The following EPS15 variants were observed in gnomAD, a reference collection of about 807,000 sequenced individuals.
EPS15 encodes epidermal growth factor receptor pathway substrate 15, also known as epidermal growth factor receptor substrate 15.
Under a neutral mutation model 113.8 loss-of-function variants are expected in EPS15, and 72 were observed. The ratio of observed to expected loss-of-function variants is 0.63; its 90% CI spans 0.52 to 0.77. The LOEUF (loss-of-function observed/expected upper bound fraction) is 0.77, where lower values mean the gene tolerates loss of function less well. Ranked by LOEUF, EPS15 falls within the 30% of genes least tolerant of loss-of-function variation. The pLI, the probability that EPS15 is intolerant of heterozygous loss-of-function variation, is 0.00. For missense variants in EPS15, 1,048 were observed against 1,045.8 expected, an observed-to-expected ratio of 1.00 and a Z score of -0.03; for synonymous variants, 344 against 363.4, an observed-to-expected ratio of 0.95 and a Z score of 0.61.
At chr1:51,438,522 T>C (rs1156271738) in intron 12 of EPS15, among the ~76,000 whole-genome samples, 1 of 152,154 alleles carries the variant, frequency 6.6e-6, no homozygotes, top group Admixed American at 6.6e-5. Context: ...ACAAGTACAC[T>C]TGAAGTCAAA....
At chr1:51,495,138 G>A (rs1215302603) in intron 1 of EPS15, among the ~76,000 whole-genome samples, 1 of 152,102 alleles carries the variant, frequency 6.6e-6, no homozygotes, top group African/African-American at 2.4e-5. Flanking sequence ...CCTTAGAATG[G>A]AGCCAAGGTA....
chr1:51,377,789 A>C (rs1027873980), intron 21 of EPS15, among the ~76,000 whole-genome samples: 2 of 152,036 alleles, frequency 1.3e-5, no homozygotes, highest in African/African-American at 4.8e-5. Context: ...AGGCACCCCA[A>C]CCTTCAGCAG....
intron 1 of EPS15, among the ~76,000 whole-genome samples, chr1:51,483,728 C>G (rs963568694): frequency 2.0e-5 from 3 of 151,802 alleles, no homozygotes; most frequent in East Asian, 1.9e-4. Context: ...ATTGCTTGAA[C>G]CCGGGAGGTG....
At chr1:51,459,753 T>C (rs992175122) in intron 8 of EPS15, among the ~76,000 whole-genome samples, 1 of 152,028 alleles carries the variant, frequency 6.6e-6, no homozygotes, top group Non-Finnish European at 1.5e-5. Context: ...ACTTTAAAAT[T>C]AGGAAACATA....
intron 8 of EPS15, chr1:51,457,909 A>G (rs1468130377): frequency 6.6e-6 from 1 of 152,194 alleles, no homozygotes; most frequent in East Asian, 1.9e-4. Flanking sequence ...AAGCAACAGT[A>G]AGAAACAGAG....
At chr1:51,457,332 G>A (rs1324083951) in intron 8 of EPS15, among the ~76,000 whole-genome samples, 1 of 151,644 alleles carries the variant, frequency 6.6e-6, no homozygotes, top group African/African-American at 2.4e-5. Context: ...TGATGGGGAA[G>A]AAAATAAATA....
chr1:51,461,114 G>A lies in EPS15; in HGVS notation c.538C>T (p.Leu180Phe). Residue 180 changes from leucine (L) to phenylalanine (F), a missense_variant, in exon 8 of 25, where the codon CTT becomes TTT. By Grantham distance (22) the Leu-to-Phe change is conservative. Transcript: ENST00000371733. ...ACAACTGCAAACTCATCTCTGTCAA[G>A]CATTCCATCATGGTCAATATCACTC... ...ELSDIDHDGMLDRDEFAVAMF... is the reference protein window; with the variant it reads ...ELSDIDHDGMFDRDEFAVAMF... The A allele has an allele frequency of 6.2e-7, 1 of 1,602,844 alleles. No homozygotes were observed. The highest frequency in any genetic ancestry group is 1.3e-5 in the African/African-American group (1 of 74,812).
At chr1:51,474,278 C>T (rs1655444119) in intron 2 of EPS15, among the ~76,000 whole-genome samples, 1 of 152,218 alleles carries the variant, frequency 6.6e-6, no homozygotes, top group African/African-American at 2.4e-5. Flanking sequence ...CTTAGAGCCT[C>T]ATGAAAATGA....
At chr1:51,359,870 AAAGCTG>A (rs1027193092) in intron 24 of EPS15, among the ~76,000 whole-genome samples, 3 of 152,116 alleles carry the variant, frequency 2.0e-5, no homozygotes, top group African/African-American at 7.2e-5. Context: ...TACAGATTCA[AAAGCTG>A]GGAGCTCAGT....
In EPS15 at chr1:51,376,564, T is replaced by G. The variant is rs530547998; in HGVS notation, c.2120-10535A>C. On this transcript the variant is annotated intron_variant, in intron 21 of 24. Transcript: ENST00000371733. Reference sequence around the variant, plus strand: ...CTGTAGTCCCAGCTACTTGGGAGGCTGAGGCAGGAGAATTGCTTGAACCTG... The same window carrying G: ...CTGTAGTCCCAGCTACTTGGGAGGCGGAGGCAGGAGAATTGCTTGAACCTG... Among the ~76,000 whole-genome samples the G allele has an allele frequency of 8.6e-4, 131 of 152,282 alleles. 1 individual carries two copies. Among genetic ancestry groups the G allele is most frequent in the Middle Eastern group, 6.8e-3 (2 of 294 alleles).
chr1:51,378,406 T>TA, intron 21 of EPS15, among the ~76,000 whole-genome samples: 1 of 152,042 alleles, frequency 6.6e-6, no homozygotes, highest in Admixed American at 6.6e-5. Flanking sequence ...CCTGTAATCC[T>TA]AGCACTTTAG....
intron 8 of EPS15, among the ~76,000 whole-genome samples, chr1:51,452,107 A>C (rs1316168703): frequency 6.6e-6 from 1 of 151,014 alleles, no homozygotes; most frequent in African/African-American, 2.4e-5. Context: ...TTGGTCTCCA[A>C]CTTCTGAGCT....
chr1:51,391,915 A>G (rs1235585763), intron 21 of EPS15, among the ~76,000 whole-genome samples: 1 of 152,222 alleles, frequency 6.6e-6, no homozygotes, highest in East Asian at 1.9e-4. Flanking sequence ...TATCTATCAG[A>G]CATTCAAGTG....
At position 51,508,360 on chromosome 1, in the gene EPS15, G is replaced by GAAAGAAAGAA. The variant is rs1553139632; in HGVS notation, c.33+10829_33+10838dup. 8.7e-5 allele frequency among the ~76,000 whole-genome samples: 13 copies of GAAAGAAAGAA among 149,448 alleles called. 1 individual carries two copies. Among genetic ancestry groups the GAAAGAAAGAA allele is most frequent in the African/African-American group, 2.7e-4 (11 of 40,534 alleles). ...AGAGAGAAAGAAAGAAAGAAAGAAA[G>GAAAGAAAGAA]AAAGAAAGAAAGAAAGAAAGAAAGA... is the stretch of plus-strand genomic sequence containing the variant. On this transcript the variant is annotated intron_variant, in intron 1 of 24. Transcript: ENST00000371733.
At chr1:51,405,348 TAA>T (rs112663963) in intron 16 of EPS15, among the ~76,000 whole-genome samples, 1 of 151,460 alleles carries the variant, frequency 6.6e-6, no homozygotes, top group Non-Finnish European at 1.5e-5. Context: ...TGAGGGTACT[TAA>T]AAAAAAAGTT....
rs182287349 is a variant in EPS15, at chr1:51,416,759, C to A, written c.1113+5027G>T. On this transcript the variant is annotated intron_variant, in intron 13 of 24. Transcript: ENST00000371733. ...TTTAAAAGTTATCTGAAAAGTTAAA[C>A]CTTTTAACTCTGTATTTTATATGAA... 2.6e-5 allele frequency among the ~76,000 whole-genome samples: 4 copies of A among 151,784 alleles called. No homozygotes were observed. The East Asian group carries it at 7.7e-4, about 29-fold the overall frequency.
chr1:51,508,262 GAGAGAGAGAGAA>G (rs1224343067), intron 1 of EPS15, among the ~76,000 whole-genome samples: 4 of 133,810 alleles, frequency 3.0e-5, no homozygotes, highest in East Asian at 2.0e-4. Context: ...GAGAGAGAGA[GAGAGAGAGAGAA>G]AGAGAGAAAG....
intron 21 of EPS15, among the ~76,000 whole-genome samples, chr1:51,383,577 G>T (rs946301955): frequency 5.9e-5 from 9 of 152,188 alleles, no homozygotes; most frequent in Non-Finnish European, 1.2e-4. Flanking sequence ...AGAATCTAAT[G>T]CTGCTGCTGA....
chr1:51,518,497 G>A (rs999512959), intron 1 of EPS15: 1 of 153,012 alleles, frequency 6.5e-6, no homozygotes, highest in Non-Finnish European at 1.5e-5. Context: ...GGTGGCAAAA[G>A]GCTGCATTGG....
Sources: gnomAD v4.1 joint callset for allele counts (sites outside exome capture counted in the v4.1 genomes callset) on GRCh38, gnomAD v4.1.1 for gene constraint, MANE v1.5 for transcripts, NCBI Gene and HGNC (gene_info 2026-07-23, HGNC 2026-07-21) for gene names.